Variants in KDM2B observed in about 807,000 individuals in gnomAD.
The protein encoded by KDM2B is lysine-specific demethylase 2B.
KDM2B carries 26 observed loss-of-function variants against 150.0 expected under a neutral mutation model. The observed-to-expected ratio is 0.17, with a 90% CI of 0.13 to 0.24. KDM2B has a LOEUF of 0.24. Among genes scored for constraint, KDM2B ranks in the 10% least tolerant of loss-of-function variants. The pLI is 1.00. For missense variants in KDM2B, 1,265 were observed against 1,816.9 expected, an observed-to-expected ratio of 0.70 and a Z score of 5.52; for synonymous variants, 734 against 729.5, an observed-to-expected ratio of 1.01 and a Z score of -0.10.
chr12:121,420,332 C>A, the KDM2B span: 26 of 1,560,632 alleles, frequency 1.7e-5, no homozygotes, highest in Non-Finnish European at 2.1e-5. Flanking sequence ...CGCAGAGGAT[C>A]GGGTGAGGCC....
intron 8 of KDM2B, among the ~76,000 whole-genome samples, chr12:121,526,043 G>A (rs1555306740): frequency 6.6e-6 from 1 of 152,158 alleles, no homozygotes; most frequent in Non-Finnish European, 1.5e-5. Flanking sequence ...GGCACCAAGT[G>A]GGCCCTTAAG....
chr12:121,413,466 C>T, the KDM2B span, among the ~76,000 whole-genome samples: 46,073 of 141,860 alleles, frequency 0.32, 8,690 homozygotes, highest in East Asian at 0.45. Flanking sequence ...AGCTGGAGTG[C>T]GGTGGCACAA....
rs1555288162 is a variant in KDM2B, at chr12:121,441,158, G to A, written c.3360C>T (p.Gly1120=). The A allele has an allele frequency of 6.2e-7, 1 of 1,614,206 alleles. No homozygotes were observed. Among genetic ancestry groups the A allele is most frequent in the Non-Finnish European group, 8.5e-7 (1 of 1,180,026 alleles). ...GGGAGACGGGCTGTCGCCGGATGAT[G>A]CCACTCAGCATCAGGGGTGTGATAG... ...CKSITPLMLS[G]IIRRQPVSLD... is the part of the protein sequence containing the mutation. The change falls in exon 20 of 23, where the codon GGC becomes GGT. Residue 1120 remains glycine (G), a synonymous_variant. Transcript: ENST00000377071.
intron 10 of KDM2B, among the ~76,000 whole-genome samples, chr12:121,512,873 T>C (rs1885711152): frequency 6.6e-6 from 1 of 152,198 alleles, no homozygotes; most frequent in South Asian, 2.1e-4. Flanking sequence ...ACTGGCTGCA[T>C]CTCACAGGAC....
chr12:121,454,800 C>T (rs528978374), intron 12 of KDM2B, among the ~76,000 whole-genome samples: 5 of 152,246 alleles, frequency 3.3e-5, no homozygotes, highest in South Asian at 4.1e-4. Flanking sequence ...AATCCCCAAA[C>T]AAAACCCCAT....
chr12:121,555,424 G>C (rs782729381), intron 4 of KDM2B, among the ~76,000 whole-genome samples: 11 of 152,128 alleles, frequency 7.2e-5, no homozygotes, highest in Non-Finnish European at 1.2e-4. Context: ...CCAGGCTAGA[G>C]TGCAGTGGCA....
chr12:121,462,962 TGTGATGGCACCTCTGCA>T, intron 12 of KDM2B, among the ~76,000 whole-genome samples: 1 of 147,892 alleles, frequency 6.8e-6, no homozygotes, highest in East Asian at 2.0e-4. Flanking sequence ...ATTAGCCAGG[TGTGATGGCACCTCTGCA>T]CTCCAGCCTG....
At chr12:121,456,319 C>T (rs1458579539) in intron 12 of KDM2B, among the ~76,000 whole-genome samples, 33 of 152,188 alleles carry the variant, frequency 2.2e-4, no homozygotes, top group Non-Finnish European at 8.8e-5. Flanking sequence ...CAGAGAAGCA[C>T]GGCTACTTCC....
At chr12:121,416,193 G>A in the KDM2B span, 1 of 1,614,076 alleles carries the variant, frequency 6.2e-7, no homozygotes, top group Non-Finnish European at 8.5e-7. Context: ...TCGTGCTGTG[G>A]GCTGCTGAAT....
At chr12:121,483,035 C>T (rs1311735628) in intron 12 of KDM2B, among the ~76,000 whole-genome samples, 4 of 151,850 alleles carry the variant, frequency 2.6e-5, no homozygotes, top group Admixed American at 6.6e-5. Context: ...TGGTGGGGGG[C>T]GCCTGTAATC....
the KDM2B span, chr12:121,418,097 G>A: frequency 1.5e-6 from 1 of 650,092 alleles, no homozygotes; most frequent in East Asian, 2.8e-5. Flanking sequence ...GAGGTGCTAG[G>A]TGGCTCCAAA....
intron 9 of KDM2B, chr12:121,516,918 G>C: frequency 1.5e-6 from 1 of 661,616 alleles, no homozygotes; most frequent in Admixed American, 2.6e-5. Context: ...AATGGTAGGG[G>C]GAAGGGGAGA....
intron 6 of KDM2B, among the ~76,000 whole-genome samples, chr12:121,536,464 A>G (rs930914338): frequency 6.6e-6 from 1 of 152,020 alleles, no homozygotes; most frequent in Non-Finnish European, 1.5e-5. Flanking sequence ...TGGGCTCCAC[A>G]CCGTCCTCAC....
At chr12:121,427,685 C>G (rs1157920440), downstream of KDM2B, among the ~76,000 whole-genome samples, 1 of 151,922 alleles carries the variant, frequency 6.6e-6, no homozygotes, top group Non-Finnish European at 1.5e-5. Flanking sequence ...TCTGCTGTGT[C>G]TCTGCTGTAT....
Position 121,533,043 on chromosome 12 carries a change from G to A in KDM2B, c.778-84C>T, listed in dbSNP as rs1323303176. On this transcript the variant is annotated intron_variant, in intron 7 of 22. Transcript: ENST00000377071. The surrounding 1 kb of genome is among the most constrained non-coding windows in gnomAD (Gnocchi z 4.1). ...AGGGCCCCACCTGCCTGGCGGAAGG[G>A]GAGGGGGCGAGACAAGCTGTGTGTG... 1.4e-6 allele frequency: 2 copies of A among 1,427,500 alleles called. No homozygotes were observed. The highest frequency in any genetic ancestry group is 2.8e-5 in the African/African-American group (2 of 71,424). The allele number at this position is 1,427,500 out of a possible 1,614,324, so 88.4% of individuals were successfully genotyped here.
intron 11 of KDM2B, among the ~76,000 whole-genome samples, chr12:121,509,252 C>T (rs1336783383): frequency 4.6e-5 from 7 of 151,188 alleles, no homozygotes; most frequent in East Asian, 1.9e-4. Flanking sequence ...TTAGTAGAGA[C>T]GGGGTTTCAC....
At chr12:121,532,123 A>T (rs1187988422) in intron 8 of KDM2B, among the ~76,000 whole-genome samples, 1 of 151,916 alleles carries the variant, frequency 6.6e-6, no homozygotes, top group Non-Finnish European at 1.5e-5. Flanking sequence ...TGTCTCAAAA[A>T]AAAAAGAAAA....
At chr12:121,551,116 A>G (rs1889454939) in intron 4 of KDM2B, among the ~76,000 whole-genome samples, 1 of 152,130 alleles carries the variant, frequency 6.6e-6, no homozygotes, top group African/African-American at 2.4e-5. Context: ...CTCTCATGGA[A>G]CTTAGATGTT....
At chr12:121,517,986 G>T (rs543740877) in intron 9 of KDM2B, among the ~76,000 whole-genome samples, 1 of 151,906 alleles carries the variant, frequency 6.6e-6, no homozygotes, top group Admixed American at 6.6e-5. Context: ...TTTGCCTCCC[G>T]GGTTCAAGCA....
Sources: allele counts gnomAD v4.1 joint callset (sites outside exome capture counted in the v4.1 genomes callset), GRCh38; gene constraint gnomAD v4.1.1; non-coding constraint Gnocchi (gnomAD v3.1); transcripts MANE v1.5; gene names NCBI Gene and HGNC (gene_info 2026-07-23, HGNC 2026-07-21).